The following GRIN2A variants were observed in gnomAD, a reference collection of about 807,000 sequenced individuals.
GRIN2A encodes glutamate receptor ionotropic, NMDA 2A.
Under a neutral mutation model 113.4 loss-of-function variants are expected in GRIN2A, and 22 were observed. The observed-to-expected ratio is 0.19, with a 90% CI of 0.14 to 0.28. GRIN2A has a LOEUF of 0.28. Among genes scored for constraint, GRIN2A ranks in the 10% least tolerant of loss-of-function variants. The probability of loss-of-function intolerance (pLI) is 1.00; values close to 1 mark genes in which losing one functional copy is unlikely to be tolerated. For synonymous variants in GRIN2A, 827 were observed against 738.4 expected (o/e 1.12, Z -1.94); for missense variants, 1,502 against 1,887.0 (o/e 0.80, Z 3.78).
At chr16:9,801,480 A>G (rs77913121) in intron 10 of GRIN2A, among the ~76,000 whole-genome samples, 2,653 of 152,280 alleles carry the variant, frequency 0.017, 78 homozygotes, top group African/African-American at 0.06. Flanking sequence ...TAGGCTGGAA[A>G]TCTACACACG....
intron 2 of GRIN2A, among the ~76,000 whole-genome samples, chr16:10,088,759 A>G (rs1010428590): frequency 1.3e-5 from 2 of 152,206 alleles, no homozygotes; most frequent in Admixed American, 6.5e-5. Flanking sequence ...CAGAGTCAGC[A>G]GCACTGGAGT....
Position 10,152,414 on chromosome 16 carries a change from G to A in GRIN2A, c.414+27584C>T, listed in dbSNP as rs1001819529. Among the ~76,000 whole-genome samples, 7 of 152,242 alleles carry A rather than the reference G, an allele frequency of 4.6e-5. 1 individual carries two copies. The highest frequency in any genetic ancestry group is 3.9e-4 in the East Asian group (2 of 5,178). ...ATTTTTGCCAAAGTTAGCATTTAACGTGGACATAATGATGGTTCAACTCCA... is the reference window on the plus strand; with the variant it reads ...ATTTTTGCCAAAGTTAGCATTTAACATGGACATAATGATGGTTCAACTCCA... On this transcript the variant is annotated intron_variant, in intron 2 of 12. Transcript: ENST00000330684.
intron 11 of GRIN2A, among the ~76,000 whole-genome samples, chr16:9,783,900 T>G (rs1350305598): frequency 6.6e-6 from 1 of 152,118 alleles, no homozygotes; most frequent in African/African-American, 2.4e-5. Flanking sequence ...GTTCTCACTT[T>G]CAAGGGAGAG....
At chr16:10,102,413 G>A (rs887942544) in intron 2 of GRIN2A, among the ~76,000 whole-genome samples, 11 of 152,168 alleles carry the variant, frequency 7.2e-5, no homozygotes, top group African/African-American at 1.9e-4. Context: ...GCCTCCTGAG[G>A]CCTCACCAGA....
intron 2 of GRIN2A, among the ~76,000 whole-genome samples, chr16:10,087,496 T>G (rs1456189945): frequency 6.6e-6 from 1 of 152,202 alleles, no homozygotes; most frequent in East Asian, 1.9e-4. Context: ...GTCTGACTCT[T>G]GCATCTAAGA....
chr16:9,917,510 C>G (rs921445205), intron 3 of GRIN2A, among the ~76,000 whole-genome samples: 1 of 152,248 alleles, frequency 6.6e-6, no homozygotes, highest in African/African-American at 2.4e-5. Context: ...ATAATATCGC[C>G]TACCTCACAG....
intron 3 of GRIN2A, among the ~76,000 whole-genome samples, chr16:9,915,179 G>A (rs375731659): frequency 4.0e-5 from 6 of 151,128 alleles, no homozygotes; most frequent in African/African-American, 1.2e-4. Flanking sequence ...CTCATGATCC[G>A]CCCGCCTCAG....
intron 12 of GRIN2A, among the ~76,000 whole-genome samples, chr16:9,767,817 T>A (rs1901013955): frequency 6.6e-6 from 1 of 152,230 alleles, no homozygotes; most frequent in African/African-American, 2.4e-5. Context: ...CACCTGTGTT[T>A]CCTTTCATGT....
At chr16:9,978,965 G>A (rs183082618) in intron 2 of GRIN2A, among the ~76,000 whole-genome samples, 51 of 152,222 alleles carry the variant, frequency 3.4e-4, no homozygotes, top group African/African-American at 1.2e-3. Flanking sequence ...CCACATTTCC[G>A]ACTCCCACAA....
chr16:9,975,801 A>G (rs1352422383), intron 2 of GRIN2A, among the ~76,000 whole-genome samples: 1 of 152,256 alleles, frequency 6.6e-6, no homozygotes, highest in African/African-American at 2.4e-5. Context: ...AGACGCAGAC[A>G]GATTCAAAGT....
chr16:9,764,579 T>A lies in GRIN2A; in HGVS notation c.2965A>T (p.Asn989Tyr), dbSNP rs1900792075. The A allele has an allele frequency of 6.2e-7, 1 of 1,612,016 alleles. No individual in the cohort carries two copies. The highest frequency in any genetic ancestry group is 1.1e-5 in the South Asian group (1 of 91,026). ...VFQGQHPLTL[N>Y]ESNPNTVEVA... The stretch of plus-strand genomic sequence containing the variant: ...TCCACCGTGTTAGGGTTGGACTCAT[T>A]GAGAGTAAGAGGATGTTGTCCCTGG... Residue 989 changes from asparagine (N) to tyrosine (Y), a missense_variant, in exon 13 of 13, where the codon AAT becomes TAT. Asn to Tyr is a moderately radical substitution (Grantham distance 143, BLOSUM62 -2). Around this residue, in one of 7 missense-constraint regions of GRIN2A, gnomAD observed 832 missense variants for 789.7 expected, o/e 1.05. Transcript: ENST00000330684.
At chr16:9,915,303 T>C (rs1204651624) in intron 3 of GRIN2A, among the ~76,000 whole-genome samples, 1 of 151,922 alleles carries the variant, frequency 6.6e-6, no homozygotes, top group African/African-American at 2.4e-5. Context: ...GAAATAAGAA[T>C]CAACTGGTCA....
At chr16:9,794,784 T>C (rs1902864292) in intron 11 of GRIN2A, 3 of 152,196 alleles carry the variant, frequency 2.0e-5, no homozygotes, top group African/African-American at 7.2e-5. Flanking sequence ...TTTTATTTGG[T>C]GCAAAGAAGA....
At chr16:10,001,465 A>G (rs2046317784) in intron 2 of GRIN2A, among the ~76,000 whole-genome samples, 1 of 152,206 alleles carries the variant, frequency 6.6e-6, no homozygotes, top group Admixed American at 6.5e-5. Flanking sequence ...CAATGATGTC[A>G]TCAAGATTTT....
chr16:10,045,908 T>C (rs2047249473), intron 2 of GRIN2A, among the ~76,000 whole-genome samples: 1 of 152,236 alleles, frequency 6.6e-6, no homozygotes, highest in Admixed American at 6.5e-5. Context: ...CGTGTTTCTT[T>C]GCTGGGTGGG....
chr16:9,905,144 T>A (rs61181396), intron 3 of GRIN2A, among the ~76,000 whole-genome samples: 9,035 of 152,246 alleles, frequency 0.059, 904 homozygotes, highest in African/African-American at 0.21. Context: ...AGTATAGGAA[T>A]TAAAGAGGTA....
chr16:10,100,418 C>G (rs9928366), intron 2 of GRIN2A, among the ~76,000 whole-genome samples: 142,186 of 152,268 alleles, frequency 0.93, 67,163 homozygotes, highest in East Asian at 1. Flanking sequence ...CACAGAGCTG[C>G]TGATGGAAAT....
chr16:10,130,808 G>T (rs940317754), intron 2 of GRIN2A, among the ~76,000 whole-genome samples: 2 of 152,312 alleles, frequency 1.3e-5, no homozygotes, highest in Non-Finnish European at 1.5e-5. Context: ...ACTCAAGCAG[G>T]TCCCCAGGAA....
chr16:9,999,943 G>A (rs2046292520), intron 2 of GRIN2A, among the ~76,000 whole-genome samples: 1 of 152,112 alleles, frequency 6.6e-6, no homozygotes, highest in Admixed American at 6.5e-5. Flanking sequence ...TATGGACAAA[G>A]CTGTGTTCCT....
Sources: allele counts gnomAD v4.1 joint callset (sites outside exome capture counted in the v4.1 genomes callset), GRCh38; gene constraint gnomAD v4.1.1; regional missense constraint gnomAD v4.1.1; transcripts MANE v1.5; gene names NCBI Gene and HGNC (gene_info 2026-07-23, HGNC 2026-07-21).